Variants in HERC3 observed in about 807,000 individuals in gnomAD.
HERC3 encodes the protein HECT and RLD domain containing E3 ubiquitin protein ligase 3.
In HERC3, 58 loss-of-function variants were observed where a neutral mutation model predicts 129.9. The ratio of observed to expected loss-of-function variants is 0.45; its 90% CI spans 0.36 to 0.56. The LOEUF (loss-of-function observed/expected upper bound fraction) is 0.56. HERC3 is among the 20% of genes least tolerant of loss of function. HERC3 has a pLI of 0.00. For synonymous variants in HERC3, 430 were observed against 451.0 expected (o/e 0.95, Z 0.59); for missense variants, 835 against 1,244.2 (o/e 0.67, Z 4.95).
intron 23 of HERC3, among the ~76,000 whole-genome samples, chr4:88,702,579 G>T (rs188860569): frequency 6.6e-6 from 1 of 152,240 alleles, no homozygotes; most frequent in East Asian, 1.9e-4. Flanking sequence ...AAAGTGCTCT[G>T]CTTTATGGTT....
intron 3 of HERC3, among the ~76,000 whole-genome samples, chr4:88,609,298 A>G (rs755969037): frequency 4.6e-5 from 7 of 152,140 alleles, no homozygotes; most frequent in South Asian, 2.1e-4. Context: ...AAAACAAACA[A>G]CAACAACAAA....
In HERC3 at chr4:88,669,980, A is replaced by G. The variant is rs1257328481; in HGVS notation, c.1754A>G (p.Asn585Ser). ...TTCTTAATTCCCGTACTGTTTAACA[A>G]TTATATCACAGCAGCTCTCAAACTC... Reference protein sequence around the residue: ...KTFLIPVLFNNYITAALKLLE... With the variant: ...KTFLIPVLFNSYITAALKLLE... Residue 585 changes from asparagine (N) to serine (S), a missense_variant, in exon 15 of 26, where the codon AAT becomes AGT. By Grantham distance (46) the Asn-to-Ser change is conservative. Transcript: ENST00000402738. 12 of 1,613,858 alleles carry G rather than the reference A, an allele frequency of 7.4e-6. No individual in the cohort carries two copies. The African/African-American group carries it at 8.0e-5, about 11-fold the overall frequency.
At chr4:88,557,358 A>T in the HERC3 span, among the ~76,000 whole-genome samples, 86 of 152,284 alleles carry the variant, frequency 5.6e-4, no homozygotes, top group African/African-American at 1.9e-3. Context: ...AATACAGTCA[A>T]ATCTACCTCC....
At chr4:88,681,017 G>A in intron 20 of HERC3, 142 bp from the exon 21 acceptor site, 3 of 1,430,152 alleles carry the variant, frequency 2.1e-6, no homozygotes, top group Non-Finnish European at 2.7e-6. Context: ...TTGTCAGGGT[G>A]TTTCTTTGCT....
At chr4:88,658,302 A>C in intron 9 of HERC3, 113 bp from the exon 10 acceptor site, 1 of 542,610 alleles carries the variant, frequency 1.8e-6, no homozygotes, top group Non-Finnish European at 3.3e-6. Flanking sequence ...TCTGTGACAC[A>C]ATTAAAATGG....
At chr4:88,543,190 C>T in the HERC3 span, among the ~76,000 whole-genome samples, 2 of 152,106 alleles carry the variant, frequency 1.3e-5, no homozygotes, top group Non-Finnish European at 2.9e-5. Context: ...TAGAAGATCC[C>T]CTCATCTCAG....
At chr4:88,555,589 A>G in the HERC3 span, among the ~76,000 whole-genome samples, 1 of 152,226 alleles carries the variant, frequency 6.6e-6, no homozygotes, top group African/African-American at 2.4e-5. Flanking sequence ...TTTGCTATAA[A>G]AGGTTCTTTT....
At position 88,704,575 on chromosome 4, in the gene HERC3, A is replaced by T; in HGVS notation, c.2909A>T (p.His970Leu). ...PTVKLFWETF[H>L]EFPLEKKKKF... ...GTAAAACTATTTTGGGAAACATTTC[A>T]TGAGTTTCCATTGGAAAAGAAGAAG... Residue 970 changes from histidine (H) to leucine (L), a missense_variant, in exon 25 of 26, where the codon CAT becomes CTT. Coordinates refer to ENST00000402738, the MANE Select transcript of HERC3 (RefSeq NM_014606.3). The T allele has an allele frequency of 6.2e-7, 1 of 1,607,236 alleles. No homozygotes were observed. The highest frequency in any genetic ancestry group is 8.5e-7 in the Non-Finnish European group (1 of 1,173,748).
At chr4:88,538,090 T>C in the HERC3 span, among the ~76,000 whole-genome samples, 1 of 152,276 alleles carries the variant, frequency 6.6e-6, no homozygotes, top group Non-Finnish European at 1.5e-5. Flanking sequence ...AAGGGAGAAC[T>C]ATATTGAAAT....
the HERC3 span, among the ~76,000 whole-genome samples, chr4:88,539,999 G>C: frequency 2.6e-5 from 4 of 152,192 alleles, no homozygotes; most frequent in African/African-American, 9.7e-5. Context: ...GAGCAGAAAA[G>C]CTGAAAATTC....
the HERC3 span, among the ~76,000 whole-genome samples, chr4:88,546,525 C>G: frequency 6.7e-6 from 1 of 150,086 alleles, no homozygotes; most frequent in East Asian, 2.0e-4. Flanking sequence ...TCCTTCCTTC[C>G]TTCCTTCTTG....
the HERC3 span, among the ~76,000 whole-genome samples, chr4:88,582,723 T>C: frequency 6.6e-6 from 1 of 152,224 alleles, no homozygotes; most frequent in African/African-American, 2.4e-5. Context: ...ATTTACATAA[T>C]AGGCCAACCT....
At chr4:88,574,194 T>C in the HERC3 span, among the ~76,000 whole-genome samples, 15 of 152,108 alleles carry the variant, frequency 9.9e-5, no homozygotes, top group African/African-American at 3.6e-4. Context: ...ACCACATTCC[T>C]AACTCCAGAG....
At chr4:88,552,683 C>T in the HERC3 span, among the ~76,000 whole-genome samples, 1 of 152,194 alleles carries the variant, frequency 6.6e-6, no homozygotes, top group Non-Finnish European at 1.5e-5. Flanking sequence ...TAAACAGTTT[C>T]ATTACTTAAT....
At chr4:88,598,021 C>T (rs1245303946) in intron 2 of HERC3, 4 of 152,192 alleles carry the variant, frequency 2.6e-5, no homozygotes, top group Non-Finnish European at 4.4e-5. Flanking sequence ...CTGCAAAGCA[C>T]TGAAGGTTTT....
chr4:88,577,451 C>T, the HERC3 span, among the ~76,000 whole-genome samples: 21 of 152,082 alleles, frequency 1.4e-4, no homozygotes, highest in South Asian at 4.4e-3. Context: ...CATTTTCAAC[C>T]TTAATTATAC....
intron 22 of HERC3, 36 bp downstream of exon 22, chr4:88,686,838 GTCTCT>G: frequency 7.0e-7 from 1 of 1,425,476 alleles, no homozygotes; most frequent in East Asian, 2.3e-5. Context: ...GATTGTGGCT[GTCTCT>G]CTTACCATCT....
At chr4:88,583,993 G>A in the HERC3 span, 3 of 152,176 alleles carry the variant, frequency 2.0e-5, no homozygotes, top group Admixed American at 1.3e-4. Context: ...GCTTTTTAAA[G>A]CATCATAGTT....
At chr4:88,689,040 G>A (rs1733778685) in intron 23 of HERC3, among the ~76,000 whole-genome samples, 1 of 152,188 alleles carries the variant, frequency 6.6e-6, no homozygotes, top group Admixed American at 6.5e-5. Context: ...AGATACAGAT[G>A]TGGAGAAACT....
Sources: gnomAD v4.1 joint callset for allele counts (sites outside exome capture counted in the v4.1 genomes callset) on GRCh38, gnomAD v4.1.1 for gene constraint, MANE v1.5 for transcripts, NCBI Gene and HGNC (gene_info 2026-07-23, HGNC 2026-07-21) for gene names.